The following ANKRD36 variants were observed in gnomAD, a reference collection of about 807,000 sequenced individuals.
ANKRD36 encodes ankyrin repeat domain-containing protein 36A.
A neutral mutation model predicts 278.1 loss-of-function variants in ANKRD36; 179 were observed. The ratio of observed to expected loss-of-function variants is 0.64; its 90% CI spans 0.57 to 0.73. The LOEUF (loss-of-function observed/expected upper bound fraction) is 0.73. ANKRD36 is among the 30% of genes least tolerant of loss of function. ANKRD36 has a pLI of 0.00. For synonymous variants in ANKRD36, 320 were observed against 641.1 expected, an observed-to-expected ratio of 0.50 and a Z score of 7.57; for missense variants, 1,159 against 1,956.7, an observed-to-expected ratio of 0.59 and a Z score of 7.69.
chr2:97,194,588 C>T lies in ANKRD36; in HGVS notation c.2450-138C>T, dbSNP rs553939290. ...GGGTATTTCTGACATGTTCTGGTCC[C>T]CAGACAGAAAGTAGAAGCCATCAAA... On this transcript the variant is annotated intron_variant, in intron 38 of 75. Coordinates refer to ENST00000420699, the MANE Select transcript of ANKRD36 (RefSeq NM_001354587.1). 7.4e-5 allele frequency: 111 copies of T among 1,498,440 alleles called. 1 individual carries two copies. The East Asian group carries it at 2.2e-3, about 30-fold the overall frequency. The allele number at this position is 1,498,440 out of a possible 1,614,324, so 92.8% of individuals were successfully genotyped here.
rs747746149 is a variant in ANKRD36 at position 97,160,624 on chromosome 2, C to G, written c.1390-1475C>G. 4.6e-5 allele frequency among the ~76,000 whole-genome samples: 7 copies of G among 152,130 alleles called. No individual in the cohort carries two copies. The South Asian group carries it at 8.3e-4, about 18-fold the overall frequency. On this transcript the variant is annotated intron_variant, in intron 17 of 75. Coordinates refer to ENST00000420699, the MANE Select transcript of ANKRD36 (RefSeq NM_001354587.1). Reference sequence around the variant, plus strand: ...ACATGATTATTTTACTTGATCCTTTCTCTGATTTTTAACTATTATCTTTAT... The same window carrying G: ...ACATGATTATTTTACTTGATCCTTTGTCTGATTTTTAACTATTATCTTTAT...
At chr2:97,150,864 ATTTTATTGTTTT>A (rs1365005735) in intron 12 of ANKRD36, among the ~76,000 whole-genome samples, 90 of 106,258 alleles carry the variant, frequency 8.5e-4, no homozygotes, top group Admixed American at 2.1e-3. Context: ...AGTTGCTGGA[ATTTTATTGTTTT>A]TTTTTTTTTC....
intron 54 of ANKRD36, among the ~76,000 whole-genome samples, chr2:97,209,212 C>G (rs1435579321): frequency 6.8e-6 from 1 of 146,574 alleles, no homozygotes; most frequent in Non-Finnish European, 1.5e-5. Context: ...ACTGGAGTGT[C>G]ATTGTAATTG....
chr2:97,220,278 G>T (rs150949624), intron 66 of ANKRD36, among the ~76,000 whole-genome samples: 1,361 of 134,866 alleles, frequency 0.01, 5 homozygotes, highest in African/African-American at 0.041. Flanking sequence ...TGCTAAAATG[G>T]ACAAGTTATT....
intron 6 of ANKRD36, among the ~76,000 whole-genome samples, chr2:97,133,188 G>A (rs1320962757): frequency 6.6e-6 from 1 of 151,994 alleles, no homozygotes; most frequent in Non-Finnish European, 1.5e-5. Context: ...CTTCACAGCA[G>A]TTACAGCCCC....
chr2:97,159,337 A>C (rs2048273110), intron 17 of ANKRD36, among the ~76,000 whole-genome samples: 2 of 152,128 alleles, frequency 1.3e-5, no homozygotes, highest in Admixed American at 6.6e-5. Flanking sequence ...AAACATACAT[A>C]TTTAAGGTAA....
intron 14 of ANKRD36, among the ~76,000 whole-genome samples, 153 bp downstream of exon 14, chr2:97,152,687 G>C (rs867732912): frequency 2.6e-4 from 37 of 142,250 alleles, no homozygotes; most frequent in African/African-American, 8.4e-4. Context: ...TATTTGTGCT[G>C]TTATTGCTTT....
chr2:97,122,504 T>C (rs927543747), intron 3 of ANKRD36, among the ~76,000 whole-genome samples: 5 of 146,848 alleles, frequency 3.4e-5, no homozygotes, highest in Non-Finnish European at 7.5e-5. Context: ...GAAACATTTA[T>C]TACTGTGTCT....
chr2:97,128,167 T>A (rs1250694331), intron 6 of ANKRD36, among the ~76,000 whole-genome samples: 2 of 150,718 alleles, frequency 1.3e-5, no homozygotes, highest in East Asian at 3.9e-4. Context: ...TTCCTACAAA[T>A]CTGAGGTTGG....
intron 28 of ANKRD36, 95 bp downstream of exon 28, chr2:97,183,749 A>T: frequency 2.8e-6 from 4 of 1,418,584 alleles, no homozygotes; most frequent in Non-Finnish European, 3.8e-6. Context: ...TTGAAAATGC[A>T]CTTTCTGATT....
intron 38 of ANKRD36, among the ~76,000 whole-genome samples, chr2:97,193,431 CTTG>C (rs1161077280): frequency 1.5e-5 from 2 of 131,390 alleles, no homozygotes; most frequent in East Asian, 4.1e-4. Context: ...AGACAGAAAG[CTTG>C]TTGTAACAAC....
intron 72 of ANKRD36, chr2:97,248,579 AT>A (rs2153696340): frequency 7.9e-6 from 1 of 125,890 alleles, no homozygotes; most frequent in East Asian, 3.0e-4. Context: ...AGGAAAGATG[AT>A]GCTTAGTTTT....
Position 97,113,913 on chromosome 2 carries a change from CAAT to C in ANKRD36, c.177_179del (p.Asn59del). On this transcript the variant is annotated inframe_deletion, in exon 1 of 76. Coordinates refer to ENST00000420699, the MANE Select transcript of ANKRD36 (RefSeq NM_001354587.1). Reference sequence around the variant, plus strand: ...ACCTTCTGCTCACGTATTATGACGCCAATAAGAGAGACAGGAAGGAAAGGTAAT... The same window carrying C: ...ACCTTCTGCTCACGTATTATGACGCCAAGAGAGACAGGAAGGAAAGGTAAT... 6.2e-7 allele frequency: 1 copy of C among 1,612,686 alleles called. No individual in the cohort carries two copies. Among genetic ancestry groups the C allele is most frequent in the Non-Finnish European group, 8.5e-7 (1 of 1,179,886 alleles).
At chr2:97,178,353 A>G (rs2054980157) in intron 22 of ANKRD36, among the ~76,000 whole-genome samples, 1 of 151,962 alleles carries the variant, frequency 6.6e-6, no homozygotes, top group African/African-American at 2.4e-5. Context: ...ACTATAAATC[A>G]CGCTGCTATA....
intron 10 of ANKRD36, among the ~76,000 whole-genome samples, chr2:97,145,707 G>T (rs1022092833): frequency 6.6e-6 from 1 of 151,918 alleles, no homozygotes; most frequent in Non-Finnish European, 1.5e-5. Context: ...TATACATTTT[G>T]ATTAGGTTTG....
Position 97,198,663 on chromosome 2 carries a change from T to A in ANKRD36, c.2755+5T>A. The stretch of plus-strand genomic sequence containing the variant: ...ATGGAGAAAAAACTAAGAGAGGTAA[T>A]TTTGAAAAGAGATTTAATGTCATGT... On this transcript the variant is annotated splice_donor_5th_base_variant and intron_variant, in intron 44 of 75. Transcript: ENST00000420699. 2 of 1,540,356 alleles carry A rather than the reference T, an allele frequency of 1.3e-6. No individual in the cohort carries two copies. Among genetic ancestry groups the A allele is most frequent in the Middle Eastern group, 4.6e-4 (2 of 4,324 alleles).
intron 30 of ANKRD36, among the ~76,000 whole-genome samples, chr2:97,186,035 A>C (rs1344381036): frequency 6.6e-6 from 1 of 151,792 alleles, no homozygotes; most frequent in African/African-American, 2.4e-5. Flanking sequence ...TCTGCTGAGG[A>C]AACCTGAGTG....
At chr2:97,187,147 A>C in intron 30 of ANKRD36, 51 bp from the exon 31 acceptor site, 1 of 1,606,538 alleles carries the variant, frequency 6.2e-7, no homozygotes, top group Non-Finnish European at 8.5e-7. Context: ...AATGTATGGA[A>C]AATGTATCAT....
chr2:97,133,548 A>G (rs6718164), intron 6 of ANKRD36, among the ~76,000 whole-genome samples: 28,275 of 151,894 alleles, frequency 0.19, 4,033 homozygotes, highest in African/African-American at 0.4. Flanking sequence ...TCTGTTTATA[A>G]TTATGAAATT....
Sources: gnomAD v4.1 joint callset for allele counts (sites outside exome capture counted in the v4.1 genomes callset) on GRCh38, gnomAD v4.1.1 for gene constraint, MANE v1.5 for transcripts, NCBI Gene and HGNC (gene_info 2026-07-23, HGNC 2026-07-21) for gene names.